AMN: variants seen among roughly 807,000 people sequenced by gnomAD.
AMN encodes amnion associated transmembrane protein.
In AMN, 40 loss-of-function variants were observed where a neutral mutation model predicts 49.1. The ratio of observed to expected loss-of-function variants is 0.81; its 90% CI spans 0.63 to 1.06. The LOEUF (loss-of-function observed/expected upper bound fraction) is 1.06. Ranked by LOEUF, AMN falls within the 50% of genes least tolerant of loss-of-function variation. AMN has a pLI of 0.00. For synonymous variants in AMN, 380 were observed against 313.3 expected, an observed-to-expected ratio of 1.21 and a Z score of -2.25; for missense variants, 701 against 662.8, an observed-to-expected ratio of 1.06 and a Z score of -0.63.
At position 102,928,420 on chromosome 14, in the gene AMN, T is replaced by C; in HGVS notation, c.208-6T>C. 1 of 1,593,600 alleles carries C rather than the reference T, an allele frequency of 6.3e-7. No homozygotes were observed. The highest frequency in any genetic ancestry group is 8.5e-7 in the Non-Finnish European group (1 of 1,171,992). On this transcript the variant is annotated splice_region_variant and splice_polypyrimidine_tract_variant and intron_variant, in intron 3 of 11. Coordinates refer to ENST00000299155, the MANE Select transcript of AMN (RefSeq NM_030943.4). ...GTGGCGCCGCCTCAGCCCGTGTCTCTTGCAGCTCCTGCCGCTGGATGGGGA... is the reference window on the plus strand; with the variant it reads ...GTGGCGCCGCCTCAGCCCGTGTCTCCTGCAGCTCCTGCCGCTGGATGGGGA...
chr14:102,924,902 G>A (rs917356899), intron 3 of AMN, among the ~76,000 whole-genome samples: 4 of 139,562 alleles, frequency 2.9e-5, no homozygotes, highest in South Asian at 2.4e-4. Flanking sequence ...CTTTGTAATC[G>A]TTGGGGAAAA....
chr14:102,924,232 C>T (rs1891137236), intron 3 of AMN, among the ~76,000 whole-genome samples: 1 of 152,132 alleles, frequency 6.6e-6, no homozygotes, highest in Admixed American at 6.5e-5. Flanking sequence ...CTTGTGATGC[C>T]CAGCAGTGGG....
Position 102,923,724 on chromosome 14 carries a change from G to A in AMN, c.57G>A (p.Ala19=), listed in dbSNP as rs145328398. The A allele has an allele frequency of 2.5e-6, 4 of 1,612,556 alleles. No individual in the cohort carries two copies. Among genetic ancestry groups the A allele is most frequent in the Middle Eastern group, 1.6e-4 (1 of 6,078 alleles). ...CCTCCTCCCCAGCACTGACCCAGGC[G>A]GTCTCCAAACTCTGGGTCCCCAACA... The part of the protein sequence containing the change: ...LWLQLCALTQ[A]VSKLWVPNTD... Residue 19 remains alanine, a synonymous_variant, in exon 2 of 12, where the codon GCG becomes GCA. Coordinates refer to ENST00000299155, the MANE Select transcript of AMN (RefSeq NM_030943.4).
Position 102,929,139 on chromosome 14 carries a change from G to A in AMN, c.532G>A (p.Asp178Asn), listed in dbSNP as rs575761625. Residue 178 changes from aspartate (D) to asparagine (N), a missense_variant, in exon 6 of 12, where the codon GAC becomes AAC. By Grantham distance (23) the Asp-to-Asn change is conservative. Transcript: ENST00000299155. ...ALGRTFTRDE[D>N]LAVFLASRAG... ...CCCGCAGACGTTCACGCGCGACGAG[G>A]ACCTGGCTGTTTTCCTGGCGTCCCG... 2.6e-5 allele frequency: 41 copies of A among 1,597,458 alleles called. No individual in the cohort carries two copies. In the East Asian group the frequency reaches 4.5e-4, roughly 17 times the overall value.
Position 102,922,913 on chromosome 14 carries a change from T to C in AMN, c.43+182T>C, listed in dbSNP as rs993935377. 66 of 855,132 alleles carry C rather than the reference T, an allele frequency of 7.7e-5. No homozygotes were observed. The East Asian group carries it at 1.7e-3, about 21-fold the overall frequency. 53.0% of individuals were successfully genotyped at this position (855,132 alleles called of 1,614,324 possible). A position where few individuals can be genotyped will look rare whatever the true frequency, so the allele number is the denominator to read the frequency against. On this transcript the variant is annotated intron_variant, in intron 1 of 11. Coordinates refer to ENST00000299155, the MANE Select transcript of AMN (RefSeq NM_030943.4). The stretch of plus-strand genomic sequence containing the variant: ...GTCTGGCGAGTGCGCAGCCCGGAAG[T>C]GCGCGGCCAGTGCATCGGGCGGTGC...
chr14:102,929,301 C>G, intron 6 of AMN, 43 bp downstream of exon 6: 1 of 1,445,082 alleles, frequency 6.9e-7, no homozygotes. Flanking sequence ...GCGCGAGGGT[C>G]GGGACTGTGC....
intron 3 of AMN, among the ~76,000 whole-genome samples, chr14:102,926,584 ATTTTTTTTTT>A (rs11323567): frequency 1.5e-5 from 2 of 136,822 alleles, no homozygotes; most frequent in South Asian, 4.8e-4. Flanking sequence ...AAAACCCTGG[ATTTTTTTTTT>A]TTTTTTTTTT....
At position 102,929,450 on chromosome 14, in the gene AMN, C is replaced by T; in HGVS notation, c.674C>T (p.Ala225Val). 1.3e-6 allele frequency: 2 copies of T among 1,531,714 alleles called. No homozygotes were observed. The highest frequency in any genetic ancestry group is 1.2e-5 in the South Asian group (1 of 83,846). 94.9% of individuals were successfully genotyped at this position (1,531,714 alleles called of 1,614,324 possible). The change falls in exon 7 of 12, where the codon GCC becomes GTC. Residue 225 changes from alanine to valine, a missense_variant. Coordinates refer to ENST00000299155, the MANE Select transcript of AMN (RefSeq NM_030943.4). ...NAEAQPWICAALLQPLGGRCP... is the reference protein window; with the variant it reads ...NAEAQPWICAVLLQPLGGRCP... ...CAGGCGCAGCCGTGGATCTGCGCGGCCCTGCTCCAGCCCCTGGGCGGCCGC... is the reference window on the plus strand; with the variant it reads ...CAGGCGCAGCCGTGGATCTGCGCGGTCCTGCTCCAGCCCCTGGGCGGCCGC...
intron 1 of AMN, 111 bp from the exon 2 acceptor site, chr14:102,923,600 T>G: frequency 2.0e-6 from 2 of 1,016,848 alleles, no homozygotes; most frequent in Non-Finnish European, 3.1e-6. Flanking sequence ...GGGGTTCCTA[T>G]GCGTCCCGGG....
chr14:102,924,771 A>G (rs1315946252), intron 3 of AMN, among the ~76,000 whole-genome samples: 2 of 152,156 alleles, frequency 1.3e-5, no homozygotes, highest in Non-Finnish European at 2.9e-5. Context: ...GAGCTTCATC[A>G]CGTATTAAAG....
Position 102,930,556 on chromosome 14 carries a change from C to G in AMN, c.1258-20C>G, listed in dbSNP as rs1214268154. 1.3e-6 allele frequency: 2 copies of G among 1,557,768 alleles called. No homozygotes were observed. The highest frequency in any genetic ancestry group is 2.4e-5 in the South Asian group (2 of 84,754). ...GCCGGGACTCGGCGCCGACCGCCGC[C>G]TGACCCTGTCACCCCGCAGCCCCTG... On this transcript the variant is annotated intron_variant, in intron 11 of 11. Transcript: ENST00000299155.
intron 3 of AMN, among the ~76,000 whole-genome samples, chr14:102,928,023 CTT>C (rs1891226231): frequency 6.6e-6 from 1 of 152,316 alleles, no homozygotes; most frequent in East Asian, 1.9e-4. Flanking sequence ...ACTTTCGAAA[CTT>C]TAGTTCCTGG....
Position 102,930,816 on chromosome 14 carries a change from C to G in AMN, c.*136C>G. On this transcript the variant is annotated 3_prime_UTR_variant, in exon 12 of 12. Transcript: ENST00000299155. ...CCTCCGGGGGCCAAGGACAGGGTGG[C>G]CTTACTCAGTAAAGGTGTTTCCTGC... 1 of 1,022,666 alleles carries G rather than the reference C, an allele frequency of 9.8e-7. No individual in the cohort carries two copies. The highest frequency in any genetic ancestry group is 1.5e-6 in the Non-Finnish European group (1 of 683,818). The allele number at this position is 1,022,666 out of a possible 1,614,324, so 63.3% of individuals were successfully genotyped here.
chr14:102,925,239 G>C (rs1402282603), intron 3 of AMN, among the ~76,000 whole-genome samples: 2 of 152,256 alleles, frequency 1.3e-5, no homozygotes, highest in Non-Finnish European at 2.9e-5. Context: ...GTGGGGTCCA[G>C]GCCTGGGGCC....
Position 102,928,441 on chromosome 14 carries a change from G to A in AMN, c.223G>A (p.Gly75Arg), listed in dbSNP as rs1224182817. ...TCTCTTGCAGCTCCTGCCGCTGGAT[G>A]GGGAACTCGTCCTGGCTTCAGGAGC... ...AVSDMLLPLD[G>R]ELVLASGAGF... is the part of the protein sequence containing the mutation. Residue 75 changes from glycine (G) to arginine (R), a missense_variant, in exon 4 of 12, where the codon GGG becomes AGG. Transcript: ENST00000299155. 1.2e-6 allele frequency: 2 copies of A among 1,606,598 alleles called. No homozygotes were observed. The highest frequency in any genetic ancestry group is 1.7e-6 in the Non-Finnish European group (2 of 1,177,608).
At position 102,923,269 on chromosome 14, in the gene AMN, C is replaced by G. The variant is rs905374368; in HGVS notation, c.44-442C>G. On this transcript the variant is annotated intron_variant, in intron 1 of 11. Transcript: ENST00000299155. ...CCCCAGCCCCTTCTTACTTCTCATA[C>G]CGGGTTGCGCTCTGTCGCAGCTCTT... 5 of 279,106 alleles carry G rather than the reference C, an allele frequency of 1.8e-5. No homozygotes were observed. In the East Asian group the frequency reaches 2.9e-4, roughly 16 times the overall value. 17.3% of individuals were successfully genotyped at this position (279,106 alleles called of 1,614,324 possible). A position where few individuals can be genotyped will look rare whatever the true frequency, so the allele number is the denominator to read the frequency against.
At chr14:102,926,246 G>A (rs1240208410) in intron 3 of AMN, among the ~76,000 whole-genome samples, 1 of 152,230 alleles carries the variant, frequency 6.6e-6, no homozygotes, top group Non-Finnish European at 1.5e-5. Context: ...GTAATGGACT[G>A]TGTACCTATG....
At chr14:102,928,573 G>GT in intron 4 of AMN, 60 bp downstream of exon 4, 1 of 1,549,440 alleles carries the variant, frequency 6.5e-7, no homozygotes, top group Non-Finnish European at 8.7e-7. Context: ...GGGGACTGGA[G>GT]GGAAGGCGCG....
intron 3 of AMN, among the ~76,000 whole-genome samples, chr14:102,925,812 G>A (rs868149936): frequency 7.2e-5 from 11 of 152,176 alleles, no homozygotes; most frequent in African/African-American, 2.7e-4. Context: ...TGCAGAGGCC[G>A]AATTCACCCA....
Sources: allele counts gnomAD v4.1 joint callset (sites outside exome capture counted in the v4.1 genomes callset), GRCh38; gene constraint gnomAD v4.1.1; transcripts MANE v1.5; gene names NCBI Gene and HGNC (gene_info 2026-07-23, HGNC 2026-07-21).